RAD51D: variants seen among roughly 807,000 people sequenced by gnomAD.
RAD51D encodes the protein DNA repair protein RAD51 homolog 4.
A neutral mutation model predicts 44.1 loss-of-function variants in RAD51D; 38 were observed. The ratio of observed to expected loss-of-function variants is 0.86; its 90% CI spans 0.67 to 1.13. RAD51D has a LOEUF of 1.13. Among genes scored for constraint, RAD51D ranks in the 50% most tolerant of loss-of-function variants. The pLI is 0.00. For missense variants in RAD51D, 390 were observed against 414.0 expected, an observed-to-expected ratio of 0.94 and a Z score of 0.50; for synonymous variants, 141 against 166.6, an observed-to-expected ratio of 0.85 and a Z score of 1.18.
rs1486070935 is a variant in RAD51D, at chr17:35,115,734, ATGG to A, written c.263+2764_263+2766del. On this transcript the variant is annotated intron_variant, in intron 3 of 9. Transcript: ENST00000345365. The stretch of plus-strand genomic sequence containing the variant: ...AATACAAAAAATTAGCTGGGCGTTG[ATGG>A]CACGCACCTGTAGTCCCAGCTACTC... 8.1e-4 allele frequency among the ~76,000 whole-genome samples: 123 copies of A among 151,854 alleles called. 1 individual carries two copies. Among genetic ancestry groups the A allele is most frequent in the Admixed American group, 7.6e-3 (115 of 15,206 alleles).
chr17:35,112,235 G>A (rs1040184980), intron 3 of RAD51D, among the ~76,000 whole-genome samples: 5 of 152,098 alleles, frequency 3.3e-5, no homozygotes, highest in Admixed American at 6.6e-5. Flanking sequence ...ACACTGCCAC[G>A]CCCAGCTAAT....
chr17:35,101,753 T>A (rs1030246017), intron 8 of RAD51D, among the ~76,000 whole-genome samples: 4 of 152,068 alleles, frequency 2.6e-5, no homozygotes, highest in African/African-American at 9.7e-5. Context: ...TGCTACAAGG[T>A]GGATGAACCT....
At chr17:35,117,309 C>A (rs2091762082) in intron 3 of RAD51D, among the ~76,000 whole-genome samples, 1 of 152,210 alleles carries the variant, frequency 6.6e-6, no homozygotes, top group Non-Finnish European at 1.5e-5. Flanking sequence ...ACTGCATGAA[C>A]CCTGCCAAGA....
At chr17:35,119,343 A>T in intron 1 of RAD51D, 171 bp from the exon 2 acceptor site, 2 of 888,302 alleles carry the variant, frequency 2.3e-6, no homozygotes, top group Non-Finnish European at 3.7e-6. Context: ...TGCACACAGT[A>T]GGAATCTCTA....
Position 35,100,673 on chromosome 17 carries a change from G to A in RAD51D, c.*280C>T. On this transcript the variant is annotated 3_prime_UTR_variant, in exon 10 of 10. Transcript: ENST00000345365. ...GCCTCATCAGAGATGCTCCCAGCCA[G>A]GGTGAACTTGGTTTCCACCAGAAAC... 1 of 588,132 alleles carries A rather than the reference G, an allele frequency of 1.7e-6. No individual in the cohort carries two copies. The highest frequency in any genetic ancestry group is 3.1e-6 in the Non-Finnish European group (1 of 317,982). 36.4% of individuals were successfully genotyped at this position (588,132 alleles called of 1,614,324 possible). A position where few individuals can be genotyped will look rare whatever the true frequency, so the allele number is the denominator to read the frequency against.
At position 35,106,997 on chromosome 17, in the gene RAD51D, C is replaced by G. The variant is rs55942401; in HGVS notation, c.471G>C (p.Glu157Asp). 2 of 1,614,198 alleles carry G rather than the reference C, an allele frequency of 1.2e-6. No individual in the cohort carries two copies. The highest frequency in any genetic ancestry group is 2.2e-5 in the South Asian group (2 of 91,084). ...LQLLQAKTQDEEEQAEALRRI... is the reference protein window; with the variant it reads ...LQLLQAKTQDDEEQAEALRRI... Reference sequence around the variant, plus strand: ...AGCATCCTGCCCTTACCTGTTCCTCCTCATCCTGGGTTTTAGCCTGAAGCA... The same window carrying G: ...AGCATCCTGCCCTTACCTGTTCCTCGTCATCCTGGGTTTTAGCCTGAAGCA... Residue 157 changes from glutamate to aspartate, a missense_variant, in exon 5 of 10, where the codon GAG (glutamate) becomes GAC (aspartate). By Grantham distance (45) the Glu-to-Asp change is conservative. Transcript: ENST00000345365.
At chr17:35,111,513 C>A (rs2091676383) in intron 3 of RAD51D, among the ~76,000 whole-genome samples, 1 of 151,826 alleles carries the variant, frequency 6.6e-6, no homozygotes, top group African/African-American at 2.4e-5. Context: ...CTGCAGTGAG[C>A]TGTAATAGCA....
rs2091559543 is a variant in RAD51D, at chr17:35,103,245, C to T, written c.738+9G>A. ...AAATCAAGTTCATTGGCCAAGCCTG[C>T]TTCCTCACCACCACTGCCATGCCAA... On this transcript the variant is annotated intron_variant, in intron 8 of 9. Transcript: ENST00000345365. This position sits in a 1 kb window ranked among gnomAD's most constrained non-coding sequence, Gnocchi z 4.1. The T allele has an allele frequency of 6.2e-7, 1 of 1,605,608 alleles. No homozygotes were observed. Among genetic ancestry groups the T allele is most frequent in the African/African-American group, 1.3e-5 (1 of 74,826 alleles).
intron 3 of RAD51D, among the ~76,000 whole-genome samples, chr17:35,109,622 GCTCA>G (rs1471676662): frequency 6.6e-6 from 1 of 151,244 alleles, no homozygotes; most frequent in Admixed American, 6.6e-5. Context: ...TGAAATAATA[GCTCA>G]CTGTGTTTTT....
At chr17:35,109,502 C>G (rs1450723965) in intron 3 of RAD51D, among the ~76,000 whole-genome samples, 1 of 152,152 alleles carries the variant, frequency 6.6e-6, no homozygotes, top group East Asian at 1.9e-4. Context: ...AGTGGCTATG[C>G]CATTTTACAT....
At chr17:35,111,208 G>A (rs951872499) in intron 3 of RAD51D, among the ~76,000 whole-genome samples, 1 of 151,242 alleles carries the variant, frequency 6.6e-6, no homozygotes, top group African/African-American at 2.4e-5. Context: ...GAGAAACCCC[G>A]TCTCTACTAA....
At position 35,101,244 on chromosome 17, in the gene RAD51D, G is replaced by C. The variant is rs2142411300; in HGVS notation, c.860C>G (p.Ser287Ter). ...LLDTIEGAGA[S>*]GGRRMACLAK... ...CAGACACGCCATGCGCCGGCCGCCT[G>C]ATGCTCCTGCTCCCTCGATGGTGTC... Residue 287 changes from serine (S) to a stop codon, truncating the protein, a stop_gained, in exon 9 of 10, where the codon TCA (serine) becomes TGA (stop). Coordinates refer to ENST00000345365, the MANE Select transcript of RAD51D (RefSeq NM_002878.4). LOFTEE classifies it high-confidence loss of function. The C allele has an allele frequency of 6.2e-7, 1 of 1,614,190 alleles. No homozygotes were observed. The highest frequency in any genetic ancestry group is 8.5e-7 in the Non-Finnish European group (1 of 1,180,050).
chr17:35,099,387 G>T lies in RAD51D; in HGVS notation c.*1566C>A. On this transcript the variant is annotated 3_prime_UTR_variant, in exon 10 of 10. Coordinates refer to ENST00000345365, the MANE Select transcript of RAD51D (RefSeq NM_002878.4). ...TTGGTCATGTCTGCTGTGGGCTGAA[G>T]ATGCCCAAATAGTACCTTGAGTGGC... 5.7e-6 allele frequency: 1 copy of T among 174,828 alleles called. No homozygotes were observed. The highest frequency in any genetic ancestry group is 1.3e-4 in the East Asian group (1 of 7,488). The allele number at this position is 174,828 out of a possible 1,614,324, so 10.8% of individuals were successfully genotyped here.
rs2142421210 is a variant in RAD51D at position 35,103,544 on chromosome 17, C to A, written c.577G>T (p.Val193Leu). The change falls in exon 7 of 10, where the codon GTG (valine) becomes TTG (leucine). Residue 193 changes from valine to leucine, a missense_variant and splice_region_variant. Transcript: ENST00000345365. This position sits in a 1 kb window ranked among gnomAD's most constrained non-coding sequence, Gnocchi z 4.1. ...TTCACAGTTCCTGAAGAACCAGTCA[C>A]CTGAAGGAATGTGGGGGAAGCACTC... ...QELRGTVAQQ[V>L]TGSSGTVKVV... The A allele has an allele frequency of 6.2e-7, 1 of 1,613,546 alleles. No homozygotes were observed. Among genetic ancestry groups the A allele is most frequent in the Non-Finnish European group, 8.5e-7 (1 of 1,179,454 alleles).
At position 35,103,640 on chromosome 17, in the gene RAD51D, G is replaced by GC. The variant is rs1031650103; in HGVS notation, c.577-97dup. 3.3e-5 allele frequency: 30 copies of GC among 900,372 alleles called. No homozygotes were observed. Among genetic ancestry groups the GC allele is most frequent in the Middle Eastern group, 2.6e-4 (1 of 3,878 alleles). The allele number at this position is 900,372 out of a possible 1,614,324, so 55.8% of individuals were successfully genotyped here. A position where few individuals can be genotyped will look rare whatever the true frequency, so the allele number is the denominator to read the frequency against. On this transcript the variant is annotated intron_variant, in intron 6 of 9. Transcript: ENST00000345365. This position sits in a 1 kb window ranked among gnomAD's most constrained non-coding sequence, Gnocchi z 4.1. ...TTCTATCTAAAACTAGTAAGAAATA[G>GC]CCCCCCCATCCCAAATACAGCAAGC...
intron 3 of RAD51D, among the ~76,000 whole-genome samples, chr17:35,108,635 C>T (rs1428435708): frequency 1.3e-5 from 2 of 151,800 alleles, no homozygotes; most frequent in African/African-American, 4.8e-5. Context: ...TGTGTCTAGT[C>T]CTATGCCATT....
At position 35,092,900 on chromosome 17, in the gene RAD51D, T is replaced by A. The variant is rs1171460739; in HGVS notation, c.*8053A>T. Reference sequence around the variant, plus strand: ...GAGAAGGGCCAGTACTAGTGCTGGATCCATTCCTGGAGACAGAACTGGCTA... The same window carrying A: ...GAGAAGGGCCAGTACTAGTGCTGGAACCATTCCTGGAGACAGAACTGGCTA... On this transcript the variant is annotated 3_prime_UTR_variant, in exon 10 of 10. Coordinates refer to ENST00000345365, the MANE Select transcript of RAD51D (RefSeq NM_002878.4). The A allele has an allele frequency of 1.3e-5, 2 of 152,200 alleles. No homozygotes were observed. Among genetic ancestry groups the A allele is most frequent in the Non-Finnish European group, 1.5e-5 (1 of 68,040 alleles). The allele number at this position is 152,200 out of a possible 1,614,324, so 9.4% of individuals were successfully genotyped here. A position where few individuals can be genotyped will look rare whatever the true frequency, so the allele number is the denominator to read the frequency against.
At chr17:35,118,282 C>A (rs923892456) in intron 3 of RAD51D, among the ~76,000 whole-genome samples, 3 of 152,096 alleles carry the variant, frequency 2.0e-5, no homozygotes, top group African/African-American at 4.8e-5. Flanking sequence ...CACCCCCCAA[C>A]AAATAATTAC....
At chr17:35,112,397 T>C (rs893466559) in intron 3 of RAD51D, among the ~76,000 whole-genome samples, 15 of 152,024 alleles carry the variant, frequency 9.9e-5, no homozygotes, top group Admixed American at 4.6e-4. Flanking sequence ...TTTGTTTTTT[T>C]GAGACAGTTT....
Sources: gnomAD v4.1 joint callset for allele counts (sites outside exome capture counted in the v4.1 genomes callset) on GRCh38, gnomAD v4.1.1 for gene constraint, Gnocchi (gnomAD v3.1) non-coding constraint, MANE v1.5 for transcripts, NCBI Gene and HGNC (gene_info 2026-07-23, HGNC 2026-07-21) for gene names.